Variants in EIF4EBP1 observed in about 807,000 individuals in gnomAD.
EIF4EBP1 encodes the protein eukaryotic translation initiation factor 4E-binding protein 1.
EIF4EBP1 carries 5 observed loss-of-function variants against 9.2 expected under a neutral mutation model. The ratio of observed to expected loss-of-function variants is 0.54; its 90% CI spans 0.28 to 1.14. The LOEUF (loss-of-function observed/expected upper bound fraction) is 1.14. Ranked by LOEUF, EIF4EBP1 falls within the 50% of genes most tolerant of loss-of-function variation. The pLI is 0.09. For synonymous variants in EIF4EBP1, 62 were observed against 67.0 expected, an observed-to-expected ratio of 0.93 and a Z score of 0.36; for missense variants, 139 against 169.6, an observed-to-expected ratio of 0.82 and a Z score of 1.00.
intron 1 of EIF4EBP1, among the ~76,000 whole-genome samples, chr8:38,051,430 G>C (rs542831161): frequency 7.2e-5 from 11 of 152,220 alleles, no homozygotes; most frequent in Admixed American, 5.9e-4. Context: ...GGAGAAAAAT[G>C]TCATGGCTCT....
Position 38,057,246 on chromosome 8 carries a change from A to C in EIF4EBP1, c.311A>C (p.Asp104Ala). ...AGCCACCTGCGCAATAGCCCAGAAG[A>C]TAAGCGGGCGGGCGGTGAGTGTCGG... Reference protein sequence around the residue: ...SQSHLRNSPEDKRAGGEESQF... With the variant: ...SQSHLRNSPEAKRAGGEESQF... The change falls in exon 2 of 3, where the codon GAT (aspartate) becomes GCT (alanine). Residue 104 changes from aspartate to alanine, a missense_variant. Coordinates refer to ENST00000338825, the MANE Select transcript of EIF4EBP1 (RefSeq NM_004095.4). 1 of 1,611,606 alleles carries C rather than the reference A, an allele frequency of 6.2e-7. No homozygotes were observed.
At chr8:38,055,908 C>G (rs1335424432) in intron 1 of EIF4EBP1, among the ~76,000 whole-genome samples, 3 of 152,084 alleles carry the variant, frequency 2.0e-5, no homozygotes, top group African/African-American at 7.2e-5. Context: ...GGGTAGAATT[C>G]CAAGGTCAGT....
At chr8:38,032,886 A>AAGCCAAAATGGTCACATTGC (rs1181625346) in intron 1 of EIF4EBP1, among the ~76,000 whole-genome samples, 1 of 152,126 alleles carries the variant, frequency 6.6e-6, no homozygotes, top group Non-Finnish European at 1.5e-5. Flanking sequence ...CAGGGCAGAG[A>AAGCCAAAATGGTCACATTGC]AGCCAAAATG....
At chr8:38,031,274 C>G (rs867477054) in intron 1 of EIF4EBP1, among the ~76,000 whole-genome samples, 1 of 152,170 alleles carries the variant, frequency 6.6e-6, no homozygotes. Context: ...TCCCCATTTA[C>G]GCGAGTGGGA....
In EIF4EBP1 at chr8:38,040,923, C is replaced by G. The variant is rs143063073; in HGVS notation, c.145+10205C>G. On this transcript the variant is annotated intron_variant, in intron 1 of 2. Coordinates refer to ENST00000338825, the MANE Select transcript of EIF4EBP1 (RefSeq NM_004095.4). ...TTGAGATGGAGTCTCTCTCTGTTGC[C>G]TGAGTAGCTGGGATTACAAGCATGC... 3.4e-3 allele frequency among the ~76,000 whole-genome samples: 512 copies of G among 151,888 alleles called. 2 individuals carry two copies. Among genetic ancestry groups the G allele is most frequent in the African/African-American group, 0.011 (452 of 41,288 alleles).
At chr8:38,032,699 C>T (rs899348021) in intron 1 of EIF4EBP1, among the ~76,000 whole-genome samples, 11 of 152,310 alleles carry the variant, frequency 7.2e-5, no homozygotes, top group African/African-American at 2.6e-4. Context: ...AAGAAGCTAG[C>T]AGTGCCAGGA....
chr8:38,047,528 A>G (rs1809463010), intron 1 of EIF4EBP1: 1 of 149,102 alleles, frequency 6.7e-6, no homozygotes, highest in African/African-American at 2.5e-5. Context: ...TCTCTTGCCC[A>G]GGGTGGAATG....
At chr8:38,039,147 C>T (rs1348370149) in intron 1 of EIF4EBP1, among the ~76,000 whole-genome samples, 1 of 152,090 alleles carries the variant, frequency 6.6e-6, no homozygotes, top group Non-Finnish European at 1.5e-5. Flanking sequence ...CCACCTCGTC[C>T]TCCCAAAGTG....
At chr8:38,056,993 C>A in intron 1 of EIF4EBP1, 88 bp from the exon 2 acceptor site, 1 of 1,402,980 alleles carries the variant, frequency 7.1e-7, no homozygotes. Flanking sequence ...AATCTGCTGC[C>A]TCTACTGCAG....
chr8:38,053,570 A>C (rs1298683001), intron 1 of EIF4EBP1, among the ~76,000 whole-genome samples: 1 of 152,144 alleles, frequency 6.6e-6, no homozygotes, highest in Non-Finnish European at 1.5e-5. Flanking sequence ...AGGCTGGTGA[A>C]AGCAAGATCT....
intron 1 of EIF4EBP1, among the ~76,000 whole-genome samples, chr8:38,044,264 G>C (rs577051944): frequency 6.6e-6 from 1 of 152,196 alleles, no homozygotes; most frequent in South Asian, 2.1e-4. Context: ...AGGGCCATGC[G>C]CGGCTCAGTT....
chr8:38,047,491 T>TG (rs59169620), intron 1 of EIF4EBP1: 109,985 of 149,068 alleles, frequency 0.74, 40,617 homozygotes, highest in Middle Eastern at 0.87. Flanking sequence ...GTTTTGTTTT[T>TG]TTTTTTTTTT....
chr8:38,030,821 G>A, intron 1 of EIF4EBP1, 103 bp downstream of exon 1: 1 of 1,352,884 alleles, frequency 7.4e-7, no homozygotes, highest in South Asian at 1.7e-5. Context: ...CGCCGTGATT[G>A]GAAAGAACGG....
At chr8:38,050,489 A>G (rs997814092) in intron 1 of EIF4EBP1, among the ~76,000 whole-genome samples, 3 of 151,882 alleles carry the variant, frequency 2.0e-5, no homozygotes, top group Admixed American at 1.3e-4. Flanking sequence ...AGCTGGAACT[A>G]CAGACGTGTG....
Position 38,032,235 on chromosome 8 carries a change from G to GGGTACCAAGGTTCACACCTGGCCCA in EIF4EBP1, c.145+1537_145+1538insGCCCAGGTACCAAGGTTCACACCTG, listed in dbSNP as rs1339113596. ...TACTGTTTATAGGCACTTCTGGCCCGGGTACCAAGGTTCACACCTGTAATG... is the reference window on the plus strand; with the variant it reads ...TACTGTTTATAGGCACTTCTGGCCCGGGTACCAAGGTTCACACCTGGCCCAGGTACCAAGGTTCACACCTGTAATG... On this transcript the variant is annotated intron_variant, in intron 1 of 2. Coordinates refer to ENST00000338825, the MANE Select transcript of EIF4EBP1 (RefSeq NM_004095.4). Among the ~76,000 whole-genome samples the GGGTACCAAGGTTCACACCTGGCCCA allele has an allele frequency of 3.0e-3, 457 of 152,264 alleles. 3 individuals are homozygous for GGGTACCAAGGTTCACACCTGGCCCA. The highest frequency in any genetic ancestry group is 0.011 in the African/African-American group (443 of 41,556).
chr8:38,058,147 G>T (rs1471304313), intron 2 of EIF4EBP1, among the ~76,000 whole-genome samples: 1 of 152,150 alleles, frequency 6.6e-6, no homozygotes, highest in African/African-American at 2.4e-5. Flanking sequence ...GACAATAGTT[G>T]CCTGTGTCTT....
At chr8:38,035,440 A>G (rs1225642923) in intron 1 of EIF4EBP1, among the ~76,000 whole-genome samples, 1 of 143,332 alleles carries the variant, frequency 7.0e-6, no homozygotes, top group East Asian at 2.0e-4. Context: ...CTGGTCTCAA[A>G]CTCCTGACCT....
At position 38,055,143 on chromosome 8, in the gene EIF4EBP1, T is replaced by G. The variant is rs1464340362; in HGVS notation, c.146-1938T>G. On this transcript the variant is annotated intron_variant, in intron 1 of 2. Transcript: ENST00000338825. Reference sequence around the variant, plus strand: ...CACAGCCAGCAGGTGAAGTTTATCTTTAGGTATCTCTCTGCATTCCTCTGC... The same window carrying G: ...CACAGCCAGCAGGTGAAGTTTATCTGTAGGTATCTCTCTGCATTCCTCTGC... Among the ~76,000 whole-genome samples, 3 of 152,110 alleles carry G rather than the reference T, an allele frequency of 2.0e-5. No homozygotes were observed. In the East Asian group the frequency reaches 5.8e-4, roughly 29 times the overall value.
intron 1 of EIF4EBP1, among the ~76,000 whole-genome samples, chr8:38,054,356 C>T (rs1315483635): frequency 1.3e-5 from 2 of 152,128 alleles, no homozygotes; most frequent in East Asian, 1.9e-4. Flanking sequence ...GAGGCTGAGG[C>T]GGGAGGATTG....
Sources: gnomAD v4.1 joint callset for allele counts (sites outside exome capture counted in the v4.1 genomes callset) on GRCh38, gnomAD v4.1.1 for gene constraint, MANE v1.5 for transcripts, NCBI Gene and HGNC (gene_info 2026-07-23, HGNC 2026-07-21) for gene names.